Variants in INPP4B observed in about 807,000 individuals in gnomAD.
INPP4B encodes inositol polyphosphate-4-phosphatase type II B.
INPP4B carries 55 observed loss-of-function variants against 122.5 expected under a neutral mutation model. The observed-to-expected ratio is 0.45, with a 90% CI of 0.36 to 0.56. INPP4B has a LOEUF of 0.56. Ranked by LOEUF, INPP4B falls within the 20% of genes least tolerant of loss-of-function variation. The probability of loss-of-function intolerance (pLI) is 0.00; values close to 1 mark genes in which losing one functional copy is unlikely to be tolerated. For synonymous variants in INPP4B, 403 were observed against 388.7 expected (o/e 1.04, Z -0.43); for missense variants, 1,000 against 1,097.7 (o/e 0.91, Z 1.26).
Position 142,558,818 on chromosome 4 carries a change from A to G in INPP4B, c.-190-96092T>C, listed in dbSNP as rs1729820864. Among the ~76,000 whole-genome samples the G allele has an allele frequency of 1.5e-5, 2 of 136,792 alleles. 1 individual carries two copies. Among genetic ancestry groups the G allele is most frequent in the Admixed American group, 1.6e-4 (2 of 12,786 alleles). The allele number at this position is 136,792 out of a possible 152,430, so 89.7% of individuals were successfully genotyped here. A position where few individuals can be genotyped will look rare whatever the true frequency, so the allele number is the denominator to read the frequency against. On this transcript the variant is annotated intron_variant, in intron 2 of 25. Coordinates refer to ENST00000262992, the MANE Select transcript of INPP4B (RefSeq NM_001101669.3). The stretch of plus-strand genomic sequence containing the variant: ...TAAAAAAAAAAAAAAAAAAAAAAAA[A>G]AAAAAGAAGCTCAATTTTTTGAAGC...
intron 9 of INPP4B, among the ~76,000 whole-genome samples, chr4:142,286,466 G>A (rs1272640371): frequency 6.6e-6 from 1 of 152,162 alleles, no homozygotes; most frequent in East Asian, 1.9e-4. Flanking sequence ...AGAGATTGCT[G>A]TATATATTTT....
At chr4:142,737,993 A>G (rs79615137) in intron 1 of INPP4B, among the ~76,000 whole-genome samples, 4,131 of 152,288 alleles carry the variant, frequency 0.027, 76 homozygotes, top group Middle Eastern at 0.095. Flanking sequence ...AAATAGGAAC[A>G]CTTTCACACT....
intron 2 of INPP4B, among the ~76,000 whole-genome samples, chr4:142,585,226 C>T (rs1195257577): frequency 6.6e-6 from 1 of 152,140 alleles, no homozygotes; most frequent in Non-Finnish European, 1.5e-5. Flanking sequence ...TTCTTGGTTC[C>T]TTTCACTCAA....
At chr4:142,215,868 G>A (rs1395028669) in intron 12 of INPP4B, among the ~76,000 whole-genome samples, 4 of 114,014 alleles carry the variant, frequency 3.5e-5, no homozygotes, top group African/African-American at 1.4e-4. Flanking sequence ...ACTCCAGCCT[G>A]GGCAACAGAC....
chr4:142,089,480 C>CAG (rs751487351), intron 23 of INPP4B, among the ~76,000 whole-genome samples: 119 of 135,056 alleles, frequency 8.8e-4, no homozygotes, highest in African/African-American at 2.4e-3. Context: ...CACACACACA[C>CAG]AGAGAGAGAG....
At chr4:142,251,948 A>G (rs1398786272) in intron 11 of INPP4B, among the ~76,000 whole-genome samples, 1 of 152,200 alleles carries the variant, frequency 6.6e-6, no homozygotes, top group African/African-American at 2.4e-5. Context: ...TTACTGTGAC[A>G]CCAATTTGTT....
intron 1 of INPP4B, among the ~76,000 whole-genome samples, chr4:142,837,975 A>T (rs1263939884): frequency 6.6e-6 from 1 of 152,064 alleles, no homozygotes; most frequent in Non-Finnish European, 1.5e-5. Flanking sequence ...AATAATTCAT[A>T]GGCCTATTAA....
chr4:142,714,824 G>T (rs1259752060), intron 2 of INPP4B, among the ~76,000 whole-genome samples: 1 of 152,056 alleles, frequency 6.6e-6, no homozygotes, highest in African/African-American at 2.4e-5. Flanking sequence ...GAGAACAAGG[G>T]CCCCAAATAT....
intron 2 of INPP4B, among the ~76,000 whole-genome samples, chr4:142,637,371 A>G (rs1749395837): frequency 6.6e-6 from 1 of 152,142 alleles, no homozygotes; most frequent in Admixed American, 6.6e-5. Context: ...GACCCTGCAA[A>G]TCCTGTCAAT....
intron 7 of INPP4B, among the ~76,000 whole-genome samples, chr4:142,337,177 A>G (rs1776936803): frequency 7.9e-6 from 1 of 125,872 alleles, no homozygotes; most frequent in Admixed American, 7.6e-5. Flanking sequence ...GTCAGATAGT[A>G]ATTCATTGCC....
At chr4:142,622,298 C>T (rs919373650) in intron 2 of INPP4B, among the ~76,000 whole-genome samples, 2 of 151,422 alleles carry the variant, frequency 1.3e-5, no homozygotes, top group Admixed American at 1.3e-4. Context: ...TTTATAATGC[C>T]GATGTGAATC....
intron 25 of INPP4B, among the ~76,000 whole-genome samples, chr4:142,051,533 T>A (rs1385793406): frequency 2.0e-5 from 3 of 152,048 alleles, no homozygotes; most frequent in Non-Finnish European, 4.4e-5. Context: ...ACATCTATTT[T>A]TTATTCACTT....
At chr4:142,744,828 AAAAT>A (rs1345504676) in intron 1 of INPP4B, among the ~76,000 whole-genome samples, 2 of 151,860 alleles carry the variant, frequency 1.3e-5, no homozygotes, top group Non-Finnish European at 2.9e-5. Context: ...AAGAGTCATA[AAAAT>A]AAATAGACAT....
rs114637608 is a variant in INPP4B at position 142,216,634 on chromosome 4, A to T, written c.837-7608T>A. Among the ~76,000 whole-genome samples the T allele has an allele frequency of 3.5e-3, 527 of 152,362 alleles. 1 individual carries two copies. Among genetic ancestry groups the T allele is most frequent in the Admixed American group, 5.7e-3 (87 of 15,300 alleles). On this transcript the variant is annotated intron_variant, in intron 12 of 25. Coordinates refer to ENST00000262992, the MANE Select transcript of INPP4B (RefSeq NM_001101669.3). ...GATCGTTTTGTCTTACTGTGTTTAA[A>T]TATTTCAAAAACACATGCTTTTTAT...
intron 11 of INPP4B, 79 bp from the exon 12 acceptor site, chr4:142,238,090 A>T: frequency 1.6e-6 from 1 of 618,938 alleles, no homozygotes; most frequent in South Asian, 3.3e-5. Context: ...AAAACCATTA[A>T]TCAAGATGGC....
chr4:142,152,909 G>A (rs1404543049), intron 17 of INPP4B, among the ~76,000 whole-genome samples: 1 of 152,066 alleles, frequency 6.6e-6, no homozygotes, highest in African/African-American at 2.4e-5. Flanking sequence ...TACCACTGTT[G>A]CACACTGTTT....
At chr4:142,842,128 A>C (rs2151214666) in intron 1 of INPP4B, among the ~76,000 whole-genome samples, 1 of 151,924 alleles carries the variant, frequency 6.6e-6, no homozygotes, top group Middle Eastern at 3.4e-3. Flanking sequence ...AAAACTTCTC[A>C]AAATTTCCTT....
chr4:142,826,026 T>G (rs1305941396), intron 1 of INPP4B, among the ~76,000 whole-genome samples: 2 of 152,142 alleles, frequency 1.3e-5, no homozygotes, highest in Non-Finnish European at 2.9e-5. Context: ...TAAACACTGA[T>G]TTTTAATTTG....
chr4:142,804,475 T>C (rs907428073), intron 1 of INPP4B, among the ~76,000 whole-genome samples: 2 of 152,198 alleles, frequency 1.3e-5, no homozygotes, highest in Non-Finnish European at 2.9e-5. Context: ...TCCTTCATTG[T>C]TTCACTTAAG....
Sources: gnomAD v4.1 joint callset for allele counts (sites outside exome capture counted in the v4.1 genomes callset) on GRCh38, gnomAD v4.1.1 for gene constraint, MANE v1.5 for transcripts, NCBI Gene and HGNC (gene_info 2026-07-23, HGNC 2026-07-21) for gene names.